The following NFASC variants were observed in gnomAD, a reference collection of about 807,000 sequenced individuals.
NFASC encodes neurofascin.
NFASC carries 43 observed loss-of-function variants against 147.5 expected under a neutral mutation model. The observed-to-expected ratio is 0.29, with a 90% CI of 0.23 to 0.38. The LOEUF (loss-of-function observed/expected upper bound fraction) is 0.38. NFASC is among the 10% of genes least tolerant of loss of function. The pLI is 1.00. For missense variants in NFASC, 1,320 were observed against 1,689.0 expected (o/e 0.78, Z 3.83); for synonymous variants, 622 against 665.5 (o/e 0.93, Z 1.01).
chr1:204,948,515 A>T, intron 3 of NFASC: 1 of 493,212 alleles, frequency 2.0e-6, no homozygotes, highest in Admixed American at 2.1e-5. Context: ...CCAGAATGTC[A>T]AGGAGAGCAG....
At chr1:204,834,658 A>G (rs1216108927) in intron 1 of NFASC, among the ~76,000 whole-genome samples, 2 of 152,046 alleles carry the variant, frequency 1.3e-5, no homozygotes, top group African/African-American at 4.8e-5. Context: ...GAAGGCCCCA[A>G]TCTGTTCTAA....
chr1:204,913,939 A>C (rs978401180), intron 1 of NFASC, among the ~76,000 whole-genome samples: 1 of 152,060 alleles, frequency 6.6e-6, no homozygotes, highest in Non-Finnish European at 1.5e-5. Context: ...CAGAAATGTT[A>C]ATGAAAAACA....
intron 1 of NFASC, among the ~76,000 whole-genome samples, chr1:204,907,465 G>T (rs2086244635): frequency 6.6e-6 from 1 of 152,168 alleles, no homozygotes; most frequent in South Asian, 2.1e-4. Context: ...GTCTGGACTA[G>T]CCCCTCCCTG....
intron 1 of NFASC, among the ~76,000 whole-genome samples, chr1:204,850,350 C>T (rs901677026): frequency 1.7e-4 from 26 of 152,298 alleles, no homozygotes; most frequent in African/African-American, 6.3e-4. Context: ...CTGGACTCTC[C>T]TTGTGTATAA....
chr1:204,943,331 C>T (rs1246758969), intron 2 of NFASC, among the ~76,000 whole-genome samples: 3 of 152,182 alleles, frequency 2.0e-5, no homozygotes, highest in Non-Finnish European at 4.4e-5. Flanking sequence ...AAAGGTTTGT[C>T]TCTAAGGATC....
chr1:204,857,980 C>T lies in NFASC; in HGVS notation c.-200+29198C>T, dbSNP rs75654686. 7.1e-3 allele frequency among the ~76,000 whole-genome samples: 1,011 copies of T among 143,152 alleles called. 8 individuals carry two copies. The highest frequency in any genetic ancestry group is 0.06 in the Middle Eastern group (16 of 266). The allele number at this position is 143,152 out of a possible 152,430, so 93.9% of individuals were successfully genotyped here. ...TGTCACCCAGGCTGGAGTGCAATGGCGCGATCTCAGCTTACTACGGCCTCC... is the reference window on the plus strand; with the variant it reads ...TGTCACCCAGGCTGGAGTGCAATGGTGCGATCTCAGCTTACTACGGCCTCC... On this transcript the variant is annotated intron_variant, in intron 1 of 29. Coordinates refer to ENST00000339876, the MANE Select transcript of NFASC (RefSeq NM_001005388.3).
intron 1 of NFASC, among the ~76,000 whole-genome samples, chr1:204,872,789 A>G (rs981511742): frequency 1.3e-5 from 2 of 152,204 alleles, no homozygotes; most frequent in African/African-American, 4.8e-5. Flanking sequence ...ACCATCAACA[A>G]CTATAATCAC....
chr1:204,913,205 G>T (rs1193920296), intron 1 of NFASC, among the ~76,000 whole-genome samples: 1 of 152,014 alleles, frequency 6.6e-6, no homozygotes, highest in African/African-American at 2.4e-5. Context: ...GAATTCCAAA[G>T]AAAATTTGAA....
At chr1:204,980,019 G>A (rs1388088035) in intron 19 of NFASC, among the ~76,000 whole-genome samples, 1 of 152,164 alleles carries the variant, frequency 6.6e-6, no homozygotes, top group African/African-American at 2.4e-5. Flanking sequence ...TAAATGCCAG[G>A]GATAAGCCAG....
chr1:204,978,332 C>T (rs969926437), intron 17 of NFASC, among the ~76,000 whole-genome samples: 1 of 152,210 alleles, frequency 6.6e-6, no homozygotes, highest in Non-Finnish European at 1.5e-5. Flanking sequence ...CAGTGAGATT[C>T]ATGCCCTAAA....
At chr1:204,876,279 C>T (rs1168689737) in intron 1 of NFASC, among the ~76,000 whole-genome samples, 1 of 152,024 alleles carries the variant, frequency 6.6e-6, no homozygotes, top group Non-Finnish European at 1.5e-5. Context: ...CCCTAAAAAT[C>T]TCCTCATCCA....
intron 11 of NFASC, among the ~76,000 whole-genome samples, chr1:204,971,770 A>C (rs1294847587): frequency 6.6e-6 from 1 of 152,168 alleles, no homozygotes; most frequent in Non-Finnish European, 1.5e-5. Context: ...TACTGAACCT[A>C]GTTATCCCCA....
In NFASC at chr1:205,016,960, GAA is replaced by G; in HGVS notation, c.*425_*426del. 1 of 292,928 alleles carries G rather than the reference GAA, an allele frequency of 3.4e-6. No homozygotes were observed. The highest frequency in any genetic ancestry group is 6.8e-6 in the Non-Finnish European group (1 of 147,152). The allele number at this position is 292,928 out of a possible 1,614,324, so 18.1% of individuals were successfully genotyped here. ...AATGTCTCTGTTTTCTTTTCCTTTT[GAA>G]AAAGAGTCCCTGGAAAAGAAAGAAT... On this transcript the variant is annotated 3_prime_UTR_variant, in exon 30 of 30. Coordinates refer to ENST00000339876, the MANE Select transcript of NFASC (RefSeq NM_001005388.3). The surrounding 1 kb of genome is among the most constrained non-coding windows in gnomAD (Gnocchi z 5.1).
chr1:204,997,269 C>G lies in NFASC; in HGVS notation c.2882C>G (p.Pro961Arg). 6.2e-7 allele frequency: 1 copy of G among 1,612,982 alleles called. No homozygotes were observed. Among genetic ancestry groups the G allele is most frequent in the Non-Finnish European group, 8.5e-7 (1 of 1,179,278 alleles). Residue 961 changes from proline to arginine, a missense_variant, in exon 25 of 30, where the codon CCC becomes CGC. This residue lies in a region of NFASC where 172 missense variants were observed against 165.8 expected (regional missense o/e 1.04). Coordinates refer to ENST00000339876, the MANE Select transcript of NFASC (RefSeq NM_001005388.3). ...IAATTEATTV[P>R]IIPTVAPTTI... is the part of the protein sequence containing the mutation. ...GCCACCACCGAAGCCACAACAGTCC[C>G]CATCATCCCAACTGTCGCACCTACC...
chr1:204,986,117 A>G lies in NFASC; in HGVS notation c.2471-1301A>G. On this transcript the variant is annotated intron_variant, in intron 21 of 29. Transcript: ENST00000339876. This position sits in a 1 kb window ranked among gnomAD's most constrained non-coding sequence, Gnocchi z 4.2. Reference sequence around the variant, plus strand: ...GGAGTTCACCACCCCGGAAGGAGGTAGGTCTGGCCTGCAGCTCTTCAGGGT... The same window carrying G: ...GGAGTTCACCACCCCGGAAGGAGGTGGGTCTGGCCTGCAGCTCTTCAGGGT... 1 of 1,611,082 alleles carries G rather than the reference A, an allele frequency of 6.2e-7. No individual in the cohort carries two copies. Among genetic ancestry groups the G allele is most frequent in the Non-Finnish European group, 8.5e-7 (1 of 1,177,214 alleles).
chr1:204,994,929 A>G (rs2095815177), intron 24 of NFASC, among the ~76,000 whole-genome samples: 1 of 151,984 alleles, frequency 6.6e-6, no homozygotes, highest in South Asian at 2.1e-4. Flanking sequence ...CCTGGGTTCC[A>G]TGACAAAACC....
intron 28 of NFASC, among the ~76,000 whole-genome samples, chr1:205,011,822 G>C (rs1173945677): frequency 6.6e-6 from 1 of 151,948 alleles, no homozygotes; most frequent in Admixed American, 6.6e-5. Flanking sequence ...GCTCACGCCT[G>C]TAATCCCAGC....
intron 29 of NFASC, among the ~76,000 whole-genome samples, chr1:205,013,703 T>C (rs575107396): frequency 8.5e-5 from 13 of 152,216 alleles, no homozygotes; most frequent in South Asian, 8.3e-4. Context: ...CTGTGGAGTG[T>C]CATTCCCAGA....
intron 1 of NFASC, among the ~76,000 whole-genome samples, chr1:204,852,645 C>T (rs935419043): frequency 6.6e-6 from 1 of 152,246 alleles, no homozygotes; most frequent in Non-Finnish European, 1.5e-5. Flanking sequence ...TGGAGCCTTC[C>T]TGAGGCTCAG....
Sources: gnomAD v4.1 joint callset for allele counts (sites outside exome capture counted in the v4.1 genomes callset) on GRCh38, gnomAD v4.1.1 for gene constraint, gnomAD v4.1.1 regional missense constraint, Gnocchi (gnomAD v3.1) non-coding constraint, MANE v1.5 for transcripts, NCBI Gene and HGNC (gene_info 2026-07-23, HGNC 2026-07-21) for gene names.